Variants in KCNH6 observed in about 807,000 individuals in gnomAD.
KCNH6 encodes voltage-gated inwardly rectifying potassium channel KCNH6.
KCNH6 carries 81 observed loss-of-function variants against 83.4 expected under a neutral mutation model. That is an observed-to-expected ratio of 0.97 (90% CI 0.81 to 1.17). The LOEUF is 1.17. Ranked by LOEUF, KCNH6 falls within the 50% of genes most tolerant of loss-of-function variation. The probability of loss-of-function intolerance (pLI) is 0.00; values close to 1 mark genes in which losing one functional copy is unlikely to be tolerated. For missense variants in KCNH6, 1,203 were observed against 1,290.5 expected (o/e 0.93, Z 1.04); for synonymous variants, 503 against 545.6 (o/e 0.92, Z 1.09).
Position 63,535,947 on chromosome 17 carries a change from G to A in KCNH6, c.1380G>A (p.Gln460=). The A allele has an allele frequency of 6.2e-7, 1 of 1,613,958 alleles. No individual in the cohort carries two copies. Among genetic ancestry groups the A allele is most frequent in the Non-Finnish European group, 8.5e-7 (1 of 1,180,038 alleles). ...ACCCAGCCTCGGGCCCCTCGGTGCA[G>A]GACAAGTATGTCACAGCCCTCTACT... ...GSDPASGPSV[Q]DKYVTALYFT... is the part of the protein sequence containing the mutation. The change falls in exon 6 of 13, where the codon CAG becomes CAA. Residue 460 remains glutamine, a synonymous_variant. Coordinates refer to ENST00000314672, the MANE Select transcript of KCNH6 (RefSeq NM_001278919.2). This position sits in a 1 kb window ranked among gnomAD's most constrained non-coding sequence, Gnocchi z 4.9.
At position 63,530,171 on chromosome 17, in the gene KCNH6, G is replaced by T. The variant is rs997761060; in HGVS notation, c.388G>T (p.Glu130Ter). 1 of 1,614,062 alleles carries T rather than the reference G, an allele frequency of 6.2e-7. No homozygotes were observed. The highest frequency in any genetic ancestry group is 8.5e-7 in the Non-Finnish European group (1 of 1,180,042). Residue 130 changes from glutamate to a stop codon, truncating the protein, a stop_gained, in exon 3 of 13, where the codon GAG becomes TAG. Transcript: ENST00000314672. LOFTEE classifies it high-confidence loss of function. ...TGTCATCATGTTCATTCTCAACTTC[G>T]AGGACCTGGCCCAGCTCCTGGCCAA... ...GAVIMFILNFEDLAQLLAKCS... is the reference protein window; with the variant it reads ...GAVIMFILNF
At position 63,534,085 on chromosome 17, in the gene KCNH6, C is replaced by T. The variant is rs779706767; in HGVS notation, c.875C>T (p.Ala292Val). The T allele has an allele frequency of 1.9e-6, 1 of 532,938 alleles. No homozygotes were observed. The highest frequency in any genetic ancestry group is 2.0e-5 in the South Asian group (1 of 49,840). 33.0% of individuals were successfully genotyped at this position (532,938 alleles called of 1,614,324 possible). A position where few individuals can be genotyped will look rare whatever the true frequency, so the allele number is the denominator to read the frequency against. The stretch of plus-strand genomic sequence containing the variant: ...GATCAGGACGAATCACGGCGTGGGG[C>T]CTGCAGCTATACCTGCAGTCCCCTC... ...LSDQDESRRG[A>V]CSYTCSPLTV... The change falls in exon 5 of 13, where the codon GCC becomes GTC. Residue 292 changes from alanine to valine, a missense_variant. Transcript: ENST00000314672. The surrounding 1 kb of genome is among the most constrained non-coding windows in gnomAD (Gnocchi z 5.0).
At position 63,538,610 on chromosome 17, in the gene KCNH6, C is replaced by A; in HGVS notation, c.1902C>A (p.Ile634=). ...LGDVLSTLYF[I]SRGSIEILRD... is the part of the protein sequence containing the mutation. ...ACGTGCTCTCCACCCTCTACTTCATCTCCCGAGGCTCCATCGAGATCCTGC... is the reference window on the plus strand; with the variant it reads ...ACGTGCTCTCCACCCTCTACTTCATATCCCGAGGCTCCATCGAGATCCTGC... The change falls in exon 8 of 13, where the codon ATC becomes ATA. Residue 634 remains isoleucine (I), a synonymous_variant. Coordinates refer to ENST00000314672, the MANE Select transcript of KCNH6 (RefSeq NM_001278919.2). The surrounding 1 kb of genome is among the most constrained non-coding windows in gnomAD (Gnocchi z 4.0). 1 of 1,609,618 alleles carries A rather than the reference C, an allele frequency of 6.2e-7. No individual in the cohort carries two copies. The highest frequency in any genetic ancestry group is 1.1e-5 in the South Asian group (1 of 90,748).
chr17:63,529,994 C>T, intron 2 of KCNH6, 97 bp from the exon 3 acceptor site: 1 of 1,366,168 alleles, frequency 7.3e-7, no homozygotes, highest in Non-Finnish European at 1.0e-6. Flanking sequence ...CGTGGCTGCC[C>T]TTCACTTGAC....
intron 9 of KCNH6, among the ~76,000 whole-genome samples, chr17:63,543,056 C>A (rs2032952203): frequency 6.6e-6 from 1 of 152,252 alleles, no homozygotes; most frequent in Admixed American, 6.5e-5. Flanking sequence ...CCTGGGAATG[C>A]CCAGAGCGGG....
intron 2 of KCNH6, among the ~76,000 whole-genome samples, chr17:63,527,898 C>T (rs1176116610): frequency 6.6e-6 from 1 of 152,156 alleles, no homozygotes; most frequent in Non-Finnish European, 1.5e-5. Flanking sequence ...TGGGGTACCA[C>T]GCACTGGCAC....
At position 63,545,611 on chromosome 17, in the gene KCNH6, C is replaced by T; in HGVS notation, c.2586C>T (p.Thr862=). Reference sequence around the variant, plus strand: ...TCCCTCTTTCTTGCTCCTCCCAGACCCCAAGCTATGGAGACTTGGATGACT... The same window carrying T: ...TCCCTCTTTCTTGCTCCTCCCAGACTCCAAGCTATGGAGACTTGGATGACT... The part of the protein sequence containing the change: ...LPQGFLPPAQ[T]PSYGDLDDCS... The change falls in exon 13 of 13, where the codon ACC becomes ACT. Residue 862 remains threonine (T), a splice_region_variant and synonymous_variant. Transcript: ENST00000314672. 4 of 1,612,204 alleles carry T rather than the reference C, an allele frequency of 2.5e-6. No individual in the cohort carries two copies. The highest frequency in any genetic ancestry group is 2.2e-5 in the South Asian group (2 of 90,956).
At chr17:63,543,894 C>A in intron 10 of KCNH6, 1 of 655,736 alleles carries the variant, frequency 1.5e-6, no homozygotes, top group Non-Finnish European at 2.7e-6. Flanking sequence ...AATGCAACCC[C>A]CAGGGGTGTA....
intron 4 of KCNH6, among the ~76,000 whole-genome samples, chr17:63,532,679 TC>T (rs939306557): frequency 5.3e-5 from 8 of 152,298 alleles, no homozygotes; most frequent in African/African-American, 1.9e-4. Context: ...CTTACTGTGA[TC>T]CCATCTGCTA....
chr17:63,535,966 C>T lies in KCNH6; in HGVS notation c.1399C>T (p.Leu467Phe), dbSNP rs1324337482. ...PSVQDKYVTA[L>F]YFTFSSLTSV... Reference sequence around the variant, plus strand: ...GGTGCAGGACAAGTATGTCACAGCCCTCTACTTCACCTTCAGCAGCCTCAC... The same window carrying T: ...GGTGCAGGACAAGTATGTCACAGCCTTCTACTTCACCTTCAGCAGCCTCAC... The change falls in exon 6 of 13, where the codon CTC becomes TTC. Residue 467 changes from leucine to phenylalanine, a missense_variant. By Grantham distance (22) the Leu-to-Phe change is conservative. Coordinates refer to ENST00000314672, the MANE Select transcript of KCNH6 (RefSeq NM_001278919.2). The surrounding 1 kb of genome is among the most constrained non-coding windows in gnomAD (Gnocchi z 4.9). 6.2e-7 allele frequency: 1 copy of T among 1,613,910 alleles called. No individual in the cohort carries two copies. The highest frequency in any genetic ancestry group is 8.5e-7 in the Non-Finnish European group (1 of 1,180,044).
chr17:63,529,354 T>C (rs1183302436), intron 2 of KCNH6, among the ~76,000 whole-genome samples: 2 of 152,206 alleles, frequency 1.3e-5, no homozygotes, highest in Non-Finnish European at 2.9e-5. Flanking sequence ...GCCTGCTCCC[T>C]GGGCCCAGCC....
At chr17:63,540,564 A>T (rs561709108) in intron 8 of KCNH6, among the ~76,000 whole-genome samples, 5 of 152,312 alleles carry the variant, frequency 3.3e-5, no homozygotes, top group African/African-American at 1.2e-4. Flanking sequence ...ACACTAGATC[A>T]GAATCTTTCA....
At chr17:63,530,642 G>A in intron 4 of KCNH6, 100 bp downstream of exon 4, 1 of 1,045,718 alleles carries the variant, frequency 9.6e-7, no homozygotes. Context: ...GGCCGATAAA[G>A]AGATCCTGCC....
At position 63,523,402 on chromosome 17, in the gene KCNH6, C is replaced by T. The variant is rs767481183; in HGVS notation, c.-12C>T. 6.3e-7 allele frequency: 1 copy of T among 1,587,680 alleles called. No individual in the cohort carries two copies. Among genetic ancestry groups the T allele is most frequent in the South Asian group, 1.1e-5 (1 of 89,118 alleles). ...GGCGCCTGTGGCTCCGGGCAGGGGC[C>T]GCGGCCGAAAGATGCCGGTCCGCAG... On this transcript the variant is annotated 5_prime_UTR_variant, in exon 1 of 13. Transcript: ENST00000314672. This position sits in a 1 kb window ranked among gnomAD's most constrained non-coding sequence, Gnocchi z 4.2.
chr17:63,533,801 C>T lies in KCNH6; in HGVS notation c.676-85C>T. 3 of 1,335,138 alleles carry T rather than the reference C, an allele frequency of 2.2e-6. No individual in the cohort carries two copies. The highest frequency in any genetic ancestry group is 3.1e-6 in the Non-Finnish European group (3 of 962,136). 82.7% of individuals were successfully genotyped at this position (1,335,138 alleles called of 1,614,324 possible). A position where few individuals can be genotyped will look rare whatever the true frequency, so the allele number is the denominator to read the frequency against. On this transcript the variant is annotated intron_variant, in intron 4 of 12. Transcript: ENST00000314672. The surrounding 1 kb of genome is among the most constrained non-coding windows in gnomAD (Gnocchi z 4.1). ...CGTGGTCACCCACCCTCTCCCACTA[C>T]ACCTTCCCCAGGCCTCAGCCCTCTA...
At chr17:63,543,064 G>A (rs553245920) in intron 9 of KCNH6, among the ~76,000 whole-genome samples, 5 of 152,390 alleles carry the variant, frequency 3.3e-5, no homozygotes, top group African/African-American at 1.2e-4. Context: ...TGCCCAGAGC[G>A]GGGTATCACG....
Position 63,545,704 on chromosome 17 carries a change from G to C in KCNH6, c.2679G>C (p.Leu893=). The C allele has an allele frequency of 6.2e-7, 1 of 1,613,990 alleles. No homozygotes were observed. Among genetic ancestry groups the C allele is most frequent in the South Asian group, 1.1e-5 (1 of 91,080 alleles). The change falls in exon 13 of 13, where the codon CTG becomes CTC. Residue 893 remains leucine, a synonymous_variant. Transcript: ENST00000314672. ...PHLAVATDKT[L]APSSEQEQPE... ...TGGCTGTGGCAACGGACAAAACTCT[G>C]GCACCATCCTCAGAACAGGAACAGC...
At chr17:63,527,239 C>A (rs769817826) in intron 2 of KCNH6, among the ~76,000 whole-genome samples, 8 of 152,216 alleles carry the variant, frequency 5.3e-5, no homozygotes, top group Non-Finnish European at 8.8e-5. Context: ...ACCCTCCTCC[C>A]ATGTTTACCA....
intron 2 of KCNH6, 52 bp from the exon 3 acceptor site, chr17:63,530,036 TGCA>T: frequency 6.3e-7 from 1 of 1,590,782 alleles, no homozygotes; most frequent in East Asian, 2.2e-5. Context: ...GCCAGGCCAC[TGCA>T]GGAGGGGACC....
Sources: allele counts gnomAD v4.1 joint callset (sites outside exome capture counted in the v4.1 genomes callset), GRCh38; gene constraint gnomAD v4.1.1; non-coding constraint Gnocchi (gnomAD v3.1); transcripts MANE v1.5; gene names NCBI Gene and HGNC (gene_info 2026-07-23, HGNC 2026-07-21).